Variants in SFTPC observed in about 807,000 individuals in gnomAD.
SFTPC encodes the protein surfactant protein C.
In SFTPC, 12 loss-of-function variants were observed where a neutral mutation model predicts 19.9. The ratio of observed to expected loss-of-function variants is 0.60; its 90% CI spans 0.39 to 0.98. The LOEUF (loss-of-function observed/expected upper bound fraction) is 0.98. SFTPC is among the 50% of genes least tolerant of loss of function. The pLI is 0.00. For missense variants in SFTPC, 219 were observed against 252.2 expected, an observed-to-expected ratio of 0.87 and a Z score of 0.89; for synonymous variants, 123 against 103.3, an observed-to-expected ratio of 1.19 and a Z score of -1.16.
rs1460833813 is a variant in SFTPC at position 22,163,077 on chromosome 8, C to T, written c.202-3C>T. On this transcript the variant is annotated splice_polypyrimidine_tract_variant and splice_region_variant and intron_variant, in intron 2 of 5. Transcript: ENST00000679463. The stretch of plus-strand genomic sequence containing the variant: ...ACCAGGTGGCTCCATGCCCTTTCCC[C>T]AGGTTCTGGAGATGAGCATTGGGGC... The T allele has an allele frequency of 1.2e-6, 2 of 1,614,034 alleles. No homozygotes were observed. The highest frequency in any genetic ancestry group is 1.1e-5 in the South Asian group (1 of 91,070).
At chr8:22,163,251 C>T in intron 3 of SFTPC, 49 bp downstream of exon 3, 2 of 1,612,284 alleles carry the variant, frequency 1.2e-6, no homozygotes, top group Non-Finnish European at 1.7e-6. Flanking sequence ...CAAGGCTCTG[C>T]TAGAGCCACC....
At chr8:22,158,937 C>G (rs893398015), upstream of SFTPC, 1 of 152,184 alleles carries the variant, frequency 6.6e-6, no homozygotes, top group Non-Finnish European at 1.5e-5. Flanking sequence ...TCCCAGGGCC[C>G]GCAATTGGGC....
At chr8:22,159,698 C>G, upstream of SFTPC, 1 of 1,003,734 alleles carries the variant, frequency 1.0e-6, no homozygotes, top group East Asian at 6.0e-5. Flanking sequence ...TCTCCCAGCA[C>G]CCAGCGATGG....
At chr8:22,161,030 G>A (rs1827695887), upstream of SFTPC, among the ~76,000 whole-genome samples, 1 of 152,164 alleles carries the variant, frequency 6.6e-6, no homozygotes, top group South Asian at 2.1e-4. Context: ...CCTGTTCAGG[G>A]CTGTCCGGGC....
At chr8:22,159,929 G>A, upstream of SFTPC, 2 of 918,314 alleles carry the variant, frequency 2.2e-6, no homozygotes, top group Non-Finnish European at 3.0e-6. Context: ...GAGGGCAGGG[G>A]TGGGCACTGC....
At chr8:22,163,646 C>G in intron 4 of SFTPC, 100 bp downstream of exon 4, 1 of 893,336 alleles carries the variant, frequency 1.1e-6, no homozygotes, top group Non-Finnish European at 1.8e-6. Flanking sequence ...AGCACTGTTC[C>G]TCATTGGCTG....
chr8:22,161,281 C>T (rs1337622718), upstream of SFTPC, among the ~76,000 whole-genome samples: 1 of 152,088 alleles, frequency 6.6e-6, no homozygotes, highest in South Asian at 2.1e-4. Flanking sequence ...CAGGGAAATG[C>T]ACATTTATGA....
In SFTPC at chr8:22,164,285, G is replaced by C; in HGVS notation, c.*38G>C. ...TCACAGGGTCAGTGGAAGCCCCAACGGGAAAGGAAACGCCCCGGGCAAAGG... is the reference window on the plus strand; with the variant it reads ...TCACAGGGTCAGTGGAAGCCCCAACCGGAAAGGAAACGCCCCGGGCAAAGG... On this transcript the variant is annotated 3_prime_UTR_variant, in exon 6 of 6. Transcript: ENST00000679463. The C allele has an allele frequency of 6.5e-7, 1 of 1,536,182 alleles. No individual in the cohort carries two copies. Among genetic ancestry groups the C allele is most frequent in the Non-Finnish European group, 8.7e-7 (1 of 1,146,904 alleles).
chr8:22,163,064 C>T lies in SFTPC; in HGVS notation c.202-16C>T. On this transcript the variant is annotated splice_polypyrimidine_tract_variant and intron_variant, in intron 2 of 5. Coordinates refer to ENST00000679463, the MANE Select transcript of SFTPC (RefSeq NM_001317778.2). ...AGGAAAGGGGAAGACCAGGTGGCTC[C>T]ATGCCCTTTCCCCAGGTTCTGGAGA... is the stretch of plus-strand genomic sequence containing the variant. The T allele has an allele frequency of 6.2e-7, 1 of 1,613,902 alleles. No homozygotes were observed. The highest frequency in any genetic ancestry group is 8.5e-7 in the Non-Finnish European group (1 of 1,179,918).
chr8:22,161,083 C>T (rs565675339), upstream of SFTPC, among the ~76,000 whole-genome samples: 2 of 152,248 alleles, frequency 1.3e-5, no homozygotes, highest in African/African-American at 4.8e-5. Context: ...ATCAGCACAG[C>T]CTGCAATTGA....
In SFTPC at chr8:22,163,914, T is replaced by G. The variant is rs777510956; in HGVS notation, c.449T>G (p.Val150Gly). Residue 150 changes from valine (V) to glycine (G), a missense_variant, in exon 5 of 6, where the codon GTG becomes GGG. Coordinates refer to ENST00000679463, the MANE Select transcript of SFTPC (RefSeq NM_001317778.2). ...KVHNFQAKPAVPTSKLGQAEG... is the reference protein window; with the variant it reads ...KVHNFQAKPAGPTSKLGQAEG... ...TGCTCTCTGCAGGCCAAGCCCGCAGTGCCTACGTCTAAGCTGGGCCAGGCA... is the reference window on the plus strand; with the variant it reads ...TGCTCTCTGCAGGCCAAGCCCGCAGGGCCTACGTCTAAGCTGGGCCAGGCA... The G allele has an allele frequency of 6.2e-7, 1 of 1,613,960 alleles. No homozygotes were observed. Among genetic ancestry groups the G allele is most frequent in the Admixed American group, 1.7e-5 (1 of 60,036 alleles).
At chr8:22,159,771 C>T (rs748944676), upstream of SFTPC, 126 of 1,289,462 alleles carry the variant, frequency 9.8e-5, no homozygotes, top group Non-Finnish European at 1.3e-4. Context: ...CATGGCCCCC[C>T]GAGATGCCCA....
At chr8:22,158,091 G>T (rs1312082579), upstream of SFTPC, among the ~76,000 whole-genome samples, 1 of 152,202 alleles carries the variant, frequency 6.6e-6, no homozygotes, top group East Asian at 1.9e-4. Context: ...TAGGCACGGG[G>T]CAAGGGGAGC....
chr8:22,163,970 G>A lies in SFTPC; in HGVS notation c.505G>A (p.Gly169Arg), dbSNP rs766093799. The A allele has an allele frequency of 1.3e-5, 21 of 1,612,992 alleles. No homozygotes were observed. The highest frequency in any genetic ancestry group is 4.5e-5 in the East Asian group (2 of 44,904). ...EGRDAGSAPS[G>R]GDPAFLGMAV... Reference sequence around the variant, plus strand: ...GCGAGATGCAGGCTCAGCACCCTCCGGAGGGGACCCGGCCTTCCTGGGCAT... The same window carrying A: ...GCGAGATGCAGGCTCAGCACCCTCCAGAGGGGACCCGGCCTTCCTGGGCAT... Residue 169 changes from glycine to arginine, a missense_variant, in exon 5 of 6, where the codon GGA becomes AGA. Transcript: ENST00000679463.
chr8:22,158,966 A>C (rs1267884500), upstream of SFTPC: 1 of 152,264 alleles, frequency 6.6e-6, no homozygotes, highest in Non-Finnish European at 1.5e-5. Context: ...AGAGCAACAA[A>C]AAGCGCCCAT....
chr8:22,160,131 A>C (rs1827657478), upstream of SFTPC, among the ~76,000 whole-genome samples: 1 of 152,092 alleles, frequency 6.6e-6, no homozygotes, highest in Non-Finnish European at 1.5e-5. Flanking sequence ...GGGAGCAAAC[A>C]CTTCCCTCCC....
At chr8:22,160,405 G>A (rs1254031637), upstream of SFTPC, among the ~76,000 whole-genome samples, 2 of 152,182 alleles carry the variant, frequency 1.3e-5, no homozygotes, top group Non-Finnish European at 2.9e-5. Context: ...GAGCCCAGGA[G>A]TTCGAGACCA....
Position 22,162,696 on chromosome 8 carries a change from C to T in SFTPC, c.165C>T (p.Leu55=). 1 of 1,614,172 alleles carries T rather than the reference C, an allele frequency of 6.2e-7. No individual in the cohort carries two copies. The highest frequency in any genetic ancestry group is 8.5e-7 in the Non-Finnish European group (1 of 1,180,030). The change falls in exon 2 of 6, where the codon CTC becomes CTT. Residue 55 remains leucine (L), a synonymous_variant. Coordinates refer to ENST00000679463, the MANE Select transcript of SFTPC (RefSeq NM_001317778.2). Reference sequence around the variant, plus strand: ...TCGTGGTGATTGTGGGAGCCCTGCTCATGGGTCTCCACATGAGCCAGAAAC... The same window carrying T: ...TCGTGGTGATTGTGGGAGCCCTGCTTATGGGTCTCCACATGAGCCAGAAAC... ...LIVVVIVGAL[L]MGLHMSQKHT... is the part of the protein sequence containing the mutation.
At chr8:22,164,224 C>A in intron 5 of SFTPC, 42 bp from the exon 6 acceptor site, 1 of 1,514,406 alleles carries the variant, frequency 6.6e-7, no homozygotes, top group South Asian at 1.2e-5. Context: ...TCCCACTCCC[C>A]TGATTCTCTC....
Sources: allele counts gnomAD v4.1 joint callset (sites outside exome capture counted in the v4.1 genomes callset), GRCh38; gene constraint gnomAD v4.1.1; transcripts MANE v1.5; gene names NCBI Gene and HGNC (gene_info 2026-07-23, HGNC 2026-07-21).